Variants in UGT1A8 observed in about 807,000 individuals in gnomAD.
UGT1A8 encodes the protein UDP glucuronosyltransferase family 1 member A8, also known as UDP-glucuronosyltransferase 1A8.
A neutral mutation model predicts 45.3 loss-of-function variants in UGT1A8; 39 were observed. That is an observed-to-expected ratio of 0.86 (90% CI 0.67 to 1.12). UGT1A8 has a LOEUF of 1.12. Among genes scored for constraint, UGT1A8 ranks in the 50% most tolerant of loss-of-function variants. The pLI, the probability that UGT1A8 is intolerant of heterozygous loss-of-function variation, is 0.00. For synonymous variants in UGT1A8, 275 were observed against 249.2 expected, an observed-to-expected ratio of 1.10 and a Z score of -0.97; for missense variants, 719 against 664.9, an observed-to-expected ratio of 1.08 and a Z score of -0.90.
intron 1 of UGT1A8, among the ~76,000 whole-genome samples, chr2:233,642,051 T>C (rs1477069553): frequency 6.6e-6 from 1 of 152,208 alleles, no homozygotes; most frequent in Non-Finnish European, 1.5e-5. Context: ...TATCTTTCTC[T>C]AGGTTTGGAA....
chr2:233,671,922 C>T (rs768423780), intron 1 of UGT1A8: 1 of 1,595,536 alleles, frequency 6.3e-7, no homozygotes, highest in East Asian at 2.2e-5. Context: ...TTGCTCTCAG[C>T]TGCAGTTCTC....
At chr2:233,682,411 C>T (rs774746807) in intron 1 of UGT1A8, 70 of 1,613,784 alleles carry the variant, frequency 4.3e-5, no homozygotes, top group South Asian at 9.9e-5. Context: ...TAATTGTTGC[C>T]AAATATTTCT....
chr2:233,659,929 C>T (rs2073932628), intron 1 of UGT1A8, among the ~76,000 whole-genome samples: 1 of 152,186 alleles, frequency 6.6e-6, no homozygotes, highest in African/African-American at 2.4e-5. Context: ...TTCAAAAGCA[C>T]TCATCTCATC....
At chr2:233,724,293 C>G (rs1226718888) in intron 1 of UGT1A8, among the ~76,000 whole-genome samples, 3 of 135,034 alleles carry the variant, frequency 2.2e-5, no homozygotes, top group South Asian at 2.6e-4. Flanking sequence ...GGGGGCTGAC[C>G]CCCCCACCTC....
At chr2:233,637,169 A>T (rs1192242289) in intron 1 of UGT1A8, 4 of 1,613,764 alleles carry the variant, frequency 2.5e-6, no homozygotes, top group Non-Finnish European at 3.4e-6. Context: ...CACTTGGAGG[A>T]CCATTTATTT....
intron 1 of UGT1A8, among the ~76,000 whole-genome samples, chr2:233,635,721 C>T (rs1467276313): frequency 2.0e-5 from 3 of 150,814 alleles, no homozygotes; most frequent in Non-Finnish European, 2.9e-5. Context: ...CTGAGGGAGA[C>T]AAGTACATAT....
At chr2:233,690,728 C>T in intron 1 of UGT1A8, 1 of 1,211,732 alleles carries the variant, frequency 8.3e-7, no homozygotes, top group East Asian at 5.7e-5. Context: ...ACAGACATGC[C>T]AGATTCCTCT....
intron 1 of UGT1A8, among the ~76,000 whole-genome samples, chr2:233,759,178 G>A (rs1697077752): frequency 6.6e-6 from 1 of 152,148 alleles, no homozygotes; most frequent in South Asian, 2.1e-4. Context: ...AGGTTTCACG[G>A]CAAAAAGTTC....
chr2:233,667,473 C>T (rs1461374974), intron 1 of UGT1A8, among the ~76,000 whole-genome samples: 2 of 152,160 alleles, frequency 1.3e-5, no homozygotes. Flanking sequence ...TAGGCATGGG[C>T]AAGGACTTCA....
At chr2:233,687,689 G>A (rs1159780440) in intron 1 of UGT1A8, among the ~76,000 whole-genome samples, 1 of 151,460 alleles carries the variant, frequency 6.6e-6, no homozygotes, top group African/African-American at 2.4e-5. Context: ...GATCACTTAA[G>A]CCCAGGAGTT....
intron 1 of UGT1A8, among the ~76,000 whole-genome samples, chr2:233,632,814 A>G (rs1352068431): frequency 6.6e-6 from 1 of 152,068 alleles, no homozygotes; most frequent in Non-Finnish European, 1.5e-5. Context: ...CTATTTGAAT[A>G]CCCTGTATTT....
At chr2:233,768,516 G>A (rs188739654) in intron 4 of UGT1A8, 77 bp downstream of exon 4, 153 of 1,549,320 alleles carry the variant, frequency 9.9e-5, no homozygotes, top group Non-Finnish European at 1.2e-4. Context: ...AAACATTTAC[G>A]TAGCATTTAA....
intron 1 of UGT1A8, among the ~76,000 whole-genome samples, chr2:233,670,371 T>C (rs566569670): frequency 6.6e-6 from 1 of 152,366 alleles, no homozygotes; most frequent in East Asian, 1.9e-4. Context: ...TAATTATTAT[T>C]TGACTTTTTT....
At chr2:233,748,569 T>C (rs556466640) in intron 1 of UGT1A8, among the ~76,000 whole-genome samples, 1 of 151,818 alleles carries the variant, frequency 6.6e-6, no homozygotes, top group African/African-American at 2.4e-5. Context: ...GAAGTAGAAG[T>C]GTTAAAGAGG....
rs773791558 is a variant in UGT1A8, at chr2:233,618,464, T to C, written c.757T>C (p.Leu253=). Residue 253 remains leucine (L), a synonymous_variant, in exon 1 of 5, where the codon TTG becomes CTG. Coordinates refer to ENST00000373450, the MANE Select transcript of UGT1A8 (RefSeq NM_019076.5). ...DLYSHTSIWL[L]RTDFVLDYPK... The stretch of plus-strand genomic sequence containing the variant: ...CTACAGCCACACATCAATTTGGTTG[T>C]TGCGAACAGACTTTGTTTTGGACTA... 11 of 1,613,968 alleles carry C rather than the reference T, an allele frequency of 6.8e-6. No homozygotes were observed. The East Asian group carries it at 1.3e-4, about 20-fold the overall frequency.
chr2:233,669,927 C>T (rs367876155), intron 1 of UGT1A8, among the ~76,000 whole-genome samples: 27 of 152,226 alleles, frequency 1.8e-4, no homozygotes, highest in South Asian at 4.2e-4. Context: ...TCCCGTGATA[C>T]GCCCACCTTG....
At chr2:233,625,391 A>G (rs2073071335) in intron 1 of UGT1A8, among the ~76,000 whole-genome samples, 2 of 152,066 alleles carry the variant, frequency 1.3e-5, no homozygotes, top group African/African-American at 4.8e-5. Context: ...TGGAGATTTG[A>G]CAAAGAAGTT....
intron 1 of UGT1A8, among the ~76,000 whole-genome samples, chr2:233,627,040 C>CTG (rs2073096703): frequency 6.6e-6 from 1 of 152,044 alleles, no homozygotes; most frequent in Non-Finnish European, 1.5e-5. Flanking sequence ...GGCAGTTCTA[C>CTG]ACATGAGGTC....
At position 233,743,803 on chromosome 2, in the gene UGT1A8, G is replaced by T. The variant is rs568702968; in HGVS notation, c.856-23231G>T. 2.2e-6 allele frequency: 3 copies of T among 1,367,298 alleles called. No homozygotes were observed. In the South Asian group the frequency reaches 3.4e-5, roughly 16 times the overall value. The allele number at this position is 1,367,298 out of a possible 1,614,324, so 84.7% of individuals were successfully genotyped here. A position where few individuals can be genotyped will look rare whatever the true frequency, so the allele number is the denominator to read the frequency against. On this transcript the variant is annotated intron_variant, in intron 1 of 4. Coordinates refer to ENST00000373450, the MANE Select transcript of UGT1A8 (RefSeq NM_019076.5). ...TGAATCTCCTCTCCGCTTCCTCCTT[G>T]TTCTCAGGGTTTTTGTCGGGGTGCC...
Sources: allele counts gnomAD v4.1 joint callset (sites outside exome capture counted in the v4.1 genomes callset), GRCh38; gene constraint gnomAD v4.1.1; transcripts MANE v1.5; gene names NCBI Gene and HGNC (gene_info 2026-07-23, HGNC 2026-07-21).